UPP2: variants seen among roughly 807,000 people sequenced by gnomAD.
UPP2 encodes the protein UPase 2.
Under a neutral mutation model 26.7 loss-of-function variants are expected in UPP2, and 23 were observed. The observed-to-expected ratio is 0.86, with a 90% confidence interval of 0.62 to 1.22. UPP2 has a LOEUF of 1.22. Among genes scored for constraint, UPP2 ranks in the 50% most tolerant of loss-of-function variants. UPP2 has a pLI of 0.00. For missense variants in UPP2, 387 were observed against 396.7 expected, an observed-to-expected ratio of 0.98 and a Z score of 0.21; for synonymous variants, 127 against 141.3, an observed-to-expected ratio of 0.90 and a Z score of 0.72.
At chr2:158,092,505 C>A (rs1682926834) in intron 3 of UPP2, among the ~76,000 whole-genome samples, 1 of 152,082 alleles carries the variant, frequency 6.6e-6, no homozygotes, top group Admixed American at 6.5e-5. Flanking sequence ...AATAGTCACT[C>A]AAAAATGAGG....
rs1001215824 is a variant in UPP2 at position 158,104,920 on chromosome 2, G to T, written c.63-1179G>T. On this transcript the variant is annotated intron_variant, in intron 1 of 6. Transcript: ENST00000005756. ...TGGGTGACAGAGCGAAACTCTGAAA[G>T]GGAAGGGAAGGGAAGGGAAGGGAAG... 9.5e-4 allele frequency among the ~76,000 whole-genome samples: 13 copies of T among 13,728 alleles called. No individual in the cohort carries two copies. In the East Asian group the frequency reaches 0.045, roughly 47 times the overall value. The allele number at this position is 13,728 out of a possible 152,430, so 9.0% of individuals were successfully genotyped here. A position where few individuals can be genotyped will look rare whatever the true frequency, so the allele number is the denominator to read the frequency against.
intron 6 of UPP2, 63 bp downstream of exon 6, chr2:158,123,958 T>A: frequency 6.4e-7 from 1 of 1,556,080 alleles, no homozygotes; most frequent in South Asian, 1.2e-5. Flanking sequence ...TTTTACACCT[T>A]AGGAGAAGAA....
intron 3 of UPP2, among the ~76,000 whole-genome samples, chr2:158,079,290 A>G (rs116835909): frequency 6.6e-6 from 1 of 151,952 alleles, no homozygotes; most frequent in African/African-American, 2.4e-5. Flanking sequence ...ATTAAAAATA[A>G]TTTTTTTTAA....
intron 2 of UPP2, among the ~76,000 whole-genome samples, chr2:158,107,535 C>A (rs1292697469): frequency 6.6e-6 from 1 of 151,954 alleles, no homozygotes; most frequent in East Asian, 1.9e-4. Flanking sequence ...TCAGGATAGT[C>A]CATAATTATT....
At chr2:158,069,752 T>G (rs1682508137) in intron 3 of UPP2, among the ~76,000 whole-genome samples, 1 of 152,292 alleles carries the variant, frequency 6.6e-6, no homozygotes, top group South Asian at 2.1e-4. Flanking sequence ...TCCAACAATG[T>G]CTTGACTTGT....
At chr2:158,083,867 T>TA (rs1553467792) in intron 3 of UPP2, among the ~76,000 whole-genome samples, 17,890 of 145,768 alleles carry the variant, frequency 0.12, 1,355 homozygotes, top group East Asian at 0.39. Context: ...TATATGTTTT[T>TA]TATATATATA....
At chr2:158,058,484 C>T (rs561296940) in intron 3 of UPP2, among the ~76,000 whole-genome samples, 1 of 146,546 alleles carries the variant, frequency 6.8e-6, no homozygotes, top group African/African-American at 2.5e-5. Flanking sequence ...CGTGTGAGGA[C>T]ACAACGAGAA....
At chr2:158,070,101 T>C (rs1682514561) in intron 3 of UPP2, among the ~76,000 whole-genome samples, 2 of 152,184 alleles carry the variant, frequency 1.3e-5, no homozygotes, top group African/African-American at 4.8e-5. Context: ...TGGCTCCTTG[T>C]ATCTGCTATT....
intron 2 of UPP2, among the ~76,000 whole-genome samples, chr2:157,999,576 T>C (rs1379496283): frequency 1.3e-5 from 2 of 152,102 alleles, no homozygotes; most frequent in Non-Finnish European, 2.9e-5. Context: ...ATAAACCTGT[T>C]TTAATAACCA....
chr2:158,004,467 C>T (rs1683458979), intron 2 of UPP2, among the ~76,000 whole-genome samples: 1 of 152,084 alleles, frequency 6.6e-6, no homozygotes, highest in South Asian at 2.1e-4. Flanking sequence ...TTGTAAAGCT[C>T]TGAATCAAAA....
At chr2:158,018,877 C>G (rs1683701348) in intron 3 of UPP2, among the ~76,000 whole-genome samples, 1 of 152,030 alleles carries the variant, frequency 6.6e-6, no homozygotes, top group Non-Finnish European at 1.5e-5. Flanking sequence ...GTCGAAGGAG[C>G]CAAGAAACTA....
intron 3 of UPP2, among the ~76,000 whole-genome samples, chr2:158,079,194 C>T (rs759132650): frequency 2.0e-5 from 3 of 152,088 alleles, no homozygotes; most frequent in Non-Finnish European, 4.4e-5. Context: ...TTATAAATTA[C>T]CCAGTCTCAT....
At chr2:158,045,156 T>G (rs1275870573) in intron 3 of UPP2, among the ~76,000 whole-genome samples, 1 of 152,142 alleles carries the variant, frequency 6.6e-6, no homozygotes, top group Non-Finnish European at 1.5e-5. Context: ...CAGGCTTAGA[T>G]GACAGGAGGA....
At chr2:158,050,230 C>A (rs1379069739) in intron 3 of UPP2, among the ~76,000 whole-genome samples, 2 of 152,134 alleles carry the variant, frequency 1.3e-5, no homozygotes, top group African/African-American at 4.8e-5. Flanking sequence ...CCCACATTGA[C>A]CATCTCCTGG....
chr2:158,071,548 C>A, intron 3 of UPP2, among the ~76,000 whole-genome samples: 1 of 53,810 alleles, frequency 1.9e-5, no homozygotes, highest in African/African-American at 1.0e-4. Context: ...GAGATTCTGT[C>A]TCAAAAAAAA....
At chr2:158,112,663 A>G (rs1683344185) in intron 2 of UPP2, among the ~76,000 whole-genome samples, 1 of 152,212 alleles carries the variant, frequency 6.6e-6, no homozygotes, top group African/African-American at 2.4e-5. Flanking sequence ...GTCTTTTATA[A>G]AATCACTAAC....
intron 3 of UPP2, among the ~76,000 whole-genome samples, chr2:158,083,774 G>C (rs1232937678): frequency 6.7e-6 from 1 of 148,810 alleles, no homozygotes; most frequent in Non-Finnish European, 1.5e-5. Flanking sequence ...TCCTTTTTAT[G>C]GCTTAGTATT....
chr2:158,088,197 C>T (rs1174304904), intron 3 of UPP2, among the ~76,000 whole-genome samples: 1 of 152,116 alleles, frequency 6.6e-6, no homozygotes, highest in Admixed American at 6.5e-5. Context: ...CTTTCTTCCT[C>T]TTCTTTGTTG....
intron 3 of UPP2, among the ~76,000 whole-genome samples, chr2:158,058,188 T>G (rs59202161): frequency 0.77 from 116,777 of 151,428 alleles, 46,007 homozygotes; most frequent in African/African-American, 0.93. Context: ...AGCTACTCAG[T>G]AGGCTGAGGC....
Sources: gnomAD v4.1 joint callset for allele counts (sites outside exome capture counted in the v4.1 genomes callset) on GRCh38, gnomAD v4.1.1 for gene constraint, MANE v1.5 for transcripts, NCBI Gene and HGNC (gene_info 2026-07-23, HGNC 2026-07-21) for gene names.